Variants in FOXP2 observed in about 807,000 individuals in gnomAD.
FOXP2 encodes forkhead box P2, also known as forkhead box protein P2.
A neutral mutation model predicts 115.8 loss-of-function variants in FOXP2; 12 were observed. That is an observed-to-expected ratio of 0.10 (90% CI 0.07 to 0.17). The LOEUF is 0.17. Ranked by LOEUF, FOXP2 falls within the 10% of genes least tolerant of loss-of-function variation. FOXP2 has a pLI of 1.00. For synonymous variants in FOXP2, 328 were observed against 297.7 expected, an observed-to-expected ratio of 1.10 and a Z score of -1.05; for missense variants, 629 against 843.5, an observed-to-expected ratio of 0.75 and a Z score of 3.15.
chr7:114,203,578 A>G (rs999000831), intron 1 of FOXP2, among the ~76,000 whole-genome samples: 6 of 152,130 alleles, frequency 3.9e-5, no homozygotes, highest in Non-Finnish European at 8.8e-5. Flanking sequence ...TCCTGGGCTC[A>G]AGTGATCCTC....
At chr7:114,434,628 T>C (rs527530522) in intron 2 of FOXP2, among the ~76,000 whole-genome samples, 1 of 152,076 alleles carries the variant, frequency 6.6e-6, no homozygotes, top group African/African-American at 2.4e-5. Flanking sequence ...CCAAATACTG[T>C]TGTTTTTCTA....
chr7:114,210,761 C>T (rs1794326035), intron 1 of FOXP2, among the ~76,000 whole-genome samples: 1 of 152,214 alleles, frequency 6.6e-6, no homozygotes, highest in South Asian at 2.1e-4. Flanking sequence ...CTGAGTTAAC[C>T]AAACTGCAGA....
chr7:114,217,450 T>C (rs1197127032), intron 1 of FOXP2, among the ~76,000 whole-genome samples: 1 of 152,222 alleles, frequency 6.6e-6, no homozygotes, highest in Non-Finnish European at 1.5e-5. Context: ...TTTGTGTGTG[T>C]AGAATCAGTT....
At chr7:114,557,498 A>AT (rs79860341) in intron 3 of FOXP2, among the ~76,000 whole-genome samples, 26,091 of 151,972 alleles carry the variant, frequency 0.17, 2,688 homozygotes, top group African/African-American at 0.29. Context: ...AATAAGAAGT[A>AT]TTTTTTTCTG....
At chr7:114,128,576 C>T (rs547256554) in intron 1 of FOXP2, among the ~76,000 whole-genome samples, 11 of 151,634 alleles carry the variant, frequency 7.3e-5, no homozygotes, top group Admixed American at 2.0e-4. Context: ...TATTTTTTCC[C>T]TCAAATAACT....
chr7:114,123,651 T>C (rs1470688514), intron 1 of FOXP2, among the ~76,000 whole-genome samples: 1 of 152,124 alleles, frequency 6.6e-6, no homozygotes, highest in African/African-American at 2.4e-5. Flanking sequence ...TGACTAGTTA[T>C]GTATTACATA....
chr7:114,631,504 C>A, intron 5 of FOXP2, 24 bp from the exon 6 acceptor site: 1 of 1,554,136 alleles, frequency 6.4e-7, no homozygotes, highest in East Asian at 2.4e-5. Flanking sequence ...CTGCTGTTTA[C>A]TGGTTTGGGT....
chr7:114,526,134 A>T (rs1045508705), intron 2 of FOXP2, among the ~76,000 whole-genome samples: 53 of 149,120 alleles, frequency 3.6e-4, no homozygotes, highest in African/African-American at 1.3e-3. Context: ...AAAAGTTTTT[A>T]AAAAATATTT....
At chr7:114,087,668 G>C (rs915859276), upstream of FOXP2, 1 of 148,160 alleles carries the variant, frequency 6.7e-6, no homozygotes, top group Non-Finnish European at 1.5e-5. Flanking sequence ...CCACTGGGTG[G>C]CCGCGCGCGC....
intron 3 of FOXP2, among the ~76,000 whole-genome samples, chr7:114,562,849 A>G (rs563258512): frequency 3.9e-5 from 6 of 152,006 alleles, no homozygotes; most frequent in African/African-American, 1.2e-4. Flanking sequence ...TTGACACATT[A>G]TACCTTGTTT....
At chr7:114,272,732 T>G (rs1796097462) in intron 1 of FOXP2, among the ~76,000 whole-genome samples, 2 of 151,878 alleles carry the variant, frequency 1.3e-5, no homozygotes, top group African/African-American at 4.8e-5. Flanking sequence ...ATAGAATTGT[T>G]GATAATATTT....
At chr7:114,647,906 T>G (rs1806005107) in intron 8 of FOXP2, among the ~76,000 whole-genome samples, 1 of 152,006 alleles carries the variant, frequency 6.6e-6, no homozygotes, top group South Asian at 2.1e-4. Context: ...CAAAACATGG[T>G]CTGAGATACA....
At chr7:114,433,312 C>G (rs989920946) in intron 2 of FOXP2, among the ~76,000 whole-genome samples, 2 of 151,800 alleles carry the variant, frequency 1.3e-5, no homozygotes, top group Non-Finnish European at 2.9e-5. Flanking sequence ...TAAAATGTGT[C>G]TTTTAATTTC....
chr7:114,552,982 A>G (rs1475722107), intron 3 of FOXP2, among the ~76,000 whole-genome samples: 2 of 152,152 alleles, frequency 1.3e-5, no homozygotes, highest in African/African-American at 4.8e-5. Flanking sequence ...ATCTAAATAG[A>G]AAATAGTTCT....
chr7:114,121,399 G>A (rs1473905973), intron 1 of FOXP2, among the ~76,000 whole-genome samples: 4 of 151,980 alleles, frequency 2.6e-5, no homozygotes, highest in African/African-American at 9.7e-5. Context: ...CTTTGTTATC[G>A]CAGCCCAAAC....
intron 1 of FOXP2, among the ~76,000 whole-genome samples, chr7:114,093,414 A>T (rs1375523578): frequency 2.6e-5 from 4 of 152,146 alleles, no homozygotes; most frequent in Non-Finnish European, 5.9e-5. Flanking sequence ...TTTAGAAAAC[A>T]TGTTTATTTA....
intron 1 of FOXP2, among the ~76,000 whole-genome samples, chr7:114,418,699 G>A (rs561555035): frequency 1.3e-4 from 19 of 151,898 alleles, no homozygotes; most frequent in African/African-American, 4.3e-4. Flanking sequence ...TATACAGAAG[G>A]TCAATGGCTT....
chr7:114,192,740 T>A (rs185264544), intron 1 of FOXP2, among the ~76,000 whole-genome samples: 4 of 152,382 alleles, frequency 2.6e-5, no homozygotes, highest in Admixed American at 1.3e-4. Flanking sequence ...CATTACTACT[T>A]AATGTTGCAT....
intron 2 of FOXP2, among the ~76,000 whole-genome samples, chr7:114,331,660 CTTTTTTT>C (rs112494928): frequency 1.2e-4 from 17 of 143,054 alleles, no homozygotes; most frequent in African/African-American, 3.1e-4. Flanking sequence ...CTGACATTTT[CTTTTTTT>C]TTTTTTCTTT....
Sources: allele counts gnomAD v4.1 joint callset (sites outside exome capture counted in the v4.1 genomes callset), GRCh38; gene constraint gnomAD v4.1.1; transcripts MANE v1.5; gene names NCBI Gene and HGNC (gene_info 2026-07-23, HGNC 2026-07-21).